RBFOX1: variants seen among roughly 807,000 people sequenced by gnomAD.
RBFOX1 encodes RNA binding protein fox-1 homolog 1.
A neutral mutation model predicts 57.7 loss-of-function variants in RBFOX1; 8 were observed. The ratio of observed to expected loss-of-function variants is 0.14; its 90% CI spans 0.08 to 0.25. RBFOX1 has a LOEUF of 0.25. Ranked by LOEUF, RBFOX1 falls within the 10% of genes least tolerant of loss-of-function variation. The probability of loss-of-function intolerance (pLI) is 1.00; values close to 1 mark genes in which losing one functional copy is unlikely to be tolerated. For synonymous variants in RBFOX1, 326 were observed against 222.4 expected (o/e 1.47, Z -4.15); for missense variants, 611 against 548.5 (o/e 1.11, Z -1.14).
At chr16:6,717,624 T>C (rs939361104) in intron 3 of RBFOX1, among the ~76,000 whole-genome samples, 1 of 151,854 alleles carries the variant, frequency 6.6e-6, no homozygotes, top group Non-Finnish European at 1.5e-5. Context: ...ATTTTTTACA[T>C]GTCACATCCT....
chr16:7,212,359 G>A (rs921462890), intron 4 of RBFOX1, among the ~76,000 whole-genome samples: 3 of 152,148 alleles, frequency 2.0e-5, no homozygotes, highest in African/African-American at 7.2e-5. Context: ...GCCTGTAGCC[G>A]CGTTGACCCT....
At chr16:5,667,013 C>A (rs2049867273) in intron 3 of RBFOX1, among the ~76,000 whole-genome samples, 1 of 152,212 alleles carries the variant, frequency 6.6e-6, no homozygotes, top group African/African-American at 2.4e-5. Flanking sequence ...AGGGCTGCTT[C>A]CGGAGTCCTC....
chr16:6,134,867 T>C (rs1460906599), intron 1 of RBFOX1, among the ~76,000 whole-genome samples: 1 of 151,940 alleles, frequency 6.6e-6, no homozygotes, highest in Non-Finnish European at 1.5e-5. Context: ...TATTATACTT[T>C]AAGTTCTAGG....
intron 3 of RBFOX1, among the ~76,000 whole-genome samples, chr16:5,717,073 T>G (rs1231055936): frequency 6.6e-6 from 1 of 152,196 alleles, no homozygotes; most frequent in East Asian, 1.9e-4. Context: ...TGTCAGAAAT[T>G]AGAAATTCTT....
chr16:5,657,174 T>A (rs1345655915), intron 3 of RBFOX1, among the ~76,000 whole-genome samples: 1 of 152,200 alleles, frequency 6.6e-6, no homozygotes, highest in Non-Finnish European at 1.5e-5. Flanking sequence ...TTTATTAGTT[T>A]TTCTCTGGGA....
At chr16:5,734,270 C>T (rs2151570797) in intron 3 of RBFOX1, among the ~76,000 whole-genome samples, 2 of 151,852 alleles carry the variant, frequency 1.3e-5, no homozygotes, top group Admixed American at 1.3e-4. Context: ...TAGAGACCTG[C>T]CTGGGCAACA....
chr16:6,163,423 T>C (rs963728563), intron 1 of RBFOX1, among the ~76,000 whole-genome samples: 22 of 152,324 alleles, frequency 1.4e-4, no homozygotes, highest in African/African-American at 5.3e-4. Flanking sequence ...GATTGGTAAG[T>C]TCATTGTTGT....
chr16:6,897,024 C>G (rs929465901), intron 3 of RBFOX1, among the ~76,000 whole-genome samples: 5 of 152,104 alleles, frequency 3.3e-5, no homozygotes, highest in Non-Finnish European at 7.4e-5. Context: ...GTGCAGAGCT[C>G]CCTGTGCCCA....
intron 3 of RBFOX1, among the ~76,000 whole-genome samples, chr16:6,808,325 C>G (rs879446855): frequency 1.3e-5 from 2 of 151,894 alleles, no homozygotes; most frequent in African/African-American, 2.4e-5. Context: ...ACCACTGATT[C>G]CCATCTGATT....
chr16:6,033,141 G>A (rs991219285), intron 1 of RBFOX1, among the ~76,000 whole-genome samples: 2 of 152,048 alleles, frequency 1.3e-5, no homozygotes, highest in South Asian at 2.1e-4. Context: ...TAGTTCCTCC[G>A]CAGACATTGT....
rs1432325315 is a variant in RBFOX1, at chr16:5,947,372, T to C, written c.351+80037T>C. On this transcript the variant is annotated intron_variant, in intron 4 of 19. Transcript: ENST00000641259. The surrounding 1 kb of genome is among the most constrained non-coding windows in gnomAD (Gnocchi z 7.2). ...GTTCTACATTGCAATGACAGATTTT[T>C]GTTCTGTTTTGTTTTCAGACAGGGT... is the stretch of plus-strand genomic sequence containing the variant. Among the ~76,000 whole-genome samples the C allele has an allele frequency of 2.0e-5, 3 of 152,162 alleles. No homozygotes were observed. The highest frequency in any genetic ancestry group is 4.8e-5 in the African/African-American group (2 of 41,434).
At chr16:6,699,056 G>C (rs528857385) in intron 3 of RBFOX1, among the ~76,000 whole-genome samples, 2 of 152,144 alleles carry the variant, frequency 1.3e-5, no homozygotes, top group South Asian at 2.1e-4. Flanking sequence ...TATTACCTTA[G>C]GGATTCAAGT....
intron 4 of RBFOX1, among the ~76,000 whole-genome samples, chr16:7,271,430 A>G (rs376840078): frequency 6.6e-5 from 10 of 151,992 alleles, no homozygotes; most frequent in Admixed American, 4.6e-4. Flanking sequence ...TAAAGTTTCA[A>G]TGATGCCTTG....
At chr16:6,999,216 A>ATTTTT (rs374767232) in intron 3 of RBFOX1, among the ~76,000 whole-genome samples, 6 of 109,034 alleles carry the variant, frequency 5.5e-5, no homozygotes, top group East Asian at 2.4e-4. Flanking sequence ...ATTTTTATTT[A>ATTTTT]TTTTTTTTAT....
At chr16:6,064,151 A>T (rs1368264001) in intron 1 of RBFOX1, among the ~76,000 whole-genome samples, 2 of 152,160 alleles carry the variant, frequency 1.3e-5, no homozygotes, top group African/African-American at 4.8e-5. Flanking sequence ...CAGCTACATG[A>T]TCATCTGTCT....
rs2049385506 is a variant in RBFOX1 at position 5,655,190 on chromosome 16, C to A, written c.318+56229C>A. Among the ~76,000 whole-genome samples, 5 of 152,336 alleles carry A rather than the reference C, an allele frequency of 3.3e-5. No individual in the cohort carries two copies. In the South Asian group the frequency reaches 1.0e-3, roughly 32 times the overall value. ...AGCCCCGACGAGGGTGGCATTTGCACACCATCATATGCAGAATCTACTGTG... is the reference window on the plus strand; with the variant it reads ...AGCCCCGACGAGGGTGGCATTTGCAAACCATCATATGCAGAATCTACTGTG... On this transcript the variant is annotated intron_variant, in intron 3 of 19. Transcript: ENST00000641259.
intron 3 of RBFOX1, among the ~76,000 whole-genome samples, chr16:6,906,131 T>A (rs1264617435): frequency 6.6e-6 from 1 of 152,120 alleles, no homozygotes; most frequent in East Asian, 1.9e-4. Flanking sequence ...AATGCCTCAC[T>A]TAGGGCTGCA....
chr16:6,597,688 A>G (rs1003585659), intron 2 of RBFOX1, among the ~76,000 whole-genome samples: 5 of 151,966 alleles, frequency 3.3e-5, no homozygotes, highest in Non-Finnish European at 4.4e-5. Flanking sequence ...ACAAAACAAA[A>G]CCAAAAAACA....
intron 1 of RBFOX1, among the ~76,000 whole-genome samples, chr16:6,148,910 T>C (rs1025538062): frequency 6.6e-6 from 1 of 152,158 alleles, no homozygotes; most frequent in Non-Finnish European, 1.5e-5. Context: ...CACGTAATGA[T>C]TCATGTGCCT....
Sources: allele counts gnomAD v4.1 joint callset (sites outside exome capture counted in the v4.1 genomes callset), GRCh38; gene constraint gnomAD v4.1.1; non-coding constraint Gnocchi (gnomAD v3.1); transcripts MANE v1.5; gene names NCBI Gene and HGNC (gene_info 2026-07-23, HGNC 2026-07-21).